OGFOD1: variants seen among roughly 807,000 people sequenced by gnomAD.
The protein encoded by OGFOD1 is prolyl 3-hydroxylase OGFOD1.
A neutral mutation model predicts 67.7 loss-of-function variants in OGFOD1; 54 were observed. That is an observed-to-expected ratio of 0.80 (90% confidence interval 0.64 to 1.00). The LOEUF (loss-of-function observed/expected upper bound fraction) is 1.00, where lower values mean the gene tolerates loss of function less well. OGFOD1 is among the 50% of genes least tolerant of loss of function. The probability of loss-of-function intolerance (pLI) is 0.00; values close to 1 mark genes in which losing one functional copy is unlikely to be tolerated. For missense variants in OGFOD1, 606 were observed against 646.7 expected, an observed-to-expected ratio of 0.94 and a Z score of 0.68; for synonymous variants, 221 against 227.0, an observed-to-expected ratio of 0.97 and a Z score of 0.24.
intron 4 of OGFOD1, among the ~76,000 whole-genome samples, 156 bp downstream of exon 4, chr16:56,462,790 C>T (rs775545576): frequency 1.3e-5 from 2 of 152,202 alleles, no homozygotes; most frequent in Non-Finnish European, 2.9e-5. Context: ...CAGAAATACC[C>T]ACCTTATTGG....
intron 10 of OGFOD1, among the ~76,000 whole-genome samples, chr16:56,472,916 C>T (rs1473953592): frequency 4.0e-5 from 6 of 148,826 alleles, no homozygotes; most frequent in African/African-American, 1.5e-4. Flanking sequence ...AGCAGTTTTG[C>T]TTTTTTTGTT....
At chr16:56,467,490 G>A (rs1962954650) in intron 7 of OGFOD1, among the ~76,000 whole-genome samples, 197 bp downstream of exon 7, 2 of 148,362 alleles carry the variant, frequency 1.3e-5, no homozygotes, top group South Asian at 4.3e-4. Flanking sequence ...GCAGTGGTGC[G>A]ATCTTGGCTC....
At chr16:56,470,226 A>G in intron 9 of OGFOD1, 144 bp downstream of exon 9, 1 of 750,954 alleles carries the variant, frequency 1.3e-6, no homozygotes, top group Non-Finnish European at 2.2e-6. Context: ...AATAACCAAC[A>G]GGAAAAAATA....
chr16:56,472,617 A>T (rs1387964661), intron 10 of OGFOD1, among the ~76,000 whole-genome samples: 1 of 152,202 alleles, frequency 6.6e-6, no homozygotes, highest in Non-Finnish European at 1.5e-5. Context: ...AAAATACGTC[A>T]ATTTCAGAAT....
Position 56,468,024 on chromosome 16 carries a change from C to G in OGFOD1, c.900+6C>G. ...TCCTGAAGGAGTTTCTTAAGGTAAGCTTAGCGTATGTTGTTCTGAATATTT... is the reference window on the plus strand; with the variant it reads ...TCCTGAAGGAGTTTCTTAAGGTAAGGTTAGCGTATGTTGTTCTGAATATTT... On this transcript the variant is annotated splice_donor_region_variant and intron_variant, in intron 8 of 12. Coordinates refer to ENST00000566157, the MANE Select transcript of OGFOD1 (RefSeq NM_018233.4). The G allele has an allele frequency of 7.2e-7, 1 of 1,390,958 alleles. No individual in the cohort carries two copies. Among genetic ancestry groups the G allele is most frequent in the South Asian group, 1.2e-5 (1 of 86,336 alleles). The allele number at this position is 1,390,958 out of a possible 1,614,324, so 86.2% of individuals were successfully genotyped here.
intron 1 of OGFOD1, among the ~76,000 whole-genome samples, chr16:56,452,995 T>TA (rs77326328): frequency 0.045 from 6,779 of 151,688 alleles, 219 homozygotes; most frequent in East Asian, 0.16. Context: ...TTGAAACACA[T>TA]AAAAAAAAGA....
At chr16:56,458,307 T>C in intron 2 of OGFOD1, 2 of 496,976 alleles carry the variant, frequency 4.0e-6, no homozygotes, top group South Asian at 2.2e-5. Context: ...TCAATGGGCA[T>C]AGAAACTAGA....
chr16:56,471,671 G>C (rs1475589458), intron 10 of OGFOD1, among the ~76,000 whole-genome samples: 34 of 152,192 alleles, frequency 2.2e-4, no homozygotes, highest in Non-Finnish European at 1.5e-5. Context: ...GATACTTGTG[G>C]AAACAAAATC....
chr16:56,472,373 T>G (rs773286674), intron 10 of OGFOD1, among the ~76,000 whole-genome samples: 2 of 152,202 alleles, frequency 1.3e-5, no homozygotes, highest in African/African-American at 2.4e-5. Flanking sequence ...ATTCCATTGT[T>G]GAGCACCTAC....
chr16:56,467,136 T>C (rs562880453), intron 6 of OGFOD1, 29 bp from the exon 7 acceptor site: 2 of 1,614,042 alleles, frequency 1.2e-6, no homozygotes, highest in South Asian at 2.2e-5. Context: ...ATTCTTCGTG[T>C]TGATGTGCTA....
At chr16:56,473,092 G>A (rs1234254570) in intron 10 of OGFOD1, among the ~76,000 whole-genome samples, 6 of 152,038 alleles carry the variant, frequency 3.9e-5, no homozygotes, top group African/African-American at 4.8e-5. Flanking sequence ...CACCACGCCC[G>A]GCTAACGTTT....
Position 56,466,975 on chromosome 16 carries a change from C to G in OGFOD1, c.657+8C>G. The G allele has an allele frequency of 6.3e-7, 1 of 1,593,512 alleles. No homozygotes were observed. Among genetic ancestry groups the G allele is most frequent in the South Asian group, 1.1e-5 (1 of 90,582 alleles). ...CCTGTGTCCTTTCACCAGGTAAAGA[C>G]TGTAAGCCACAAATAGAGTAGCAAG... On this transcript the variant is annotated splice_region_variant and intron_variant, in intron 6 of 12. Transcript: ENST00000566157.
chr16:56,475,242 C>G (rs1343271566), intron 11 of OGFOD1, among the ~76,000 whole-genome samples: 4 of 152,156 alleles, frequency 2.6e-5, no homozygotes, highest in Non-Finnish European at 5.9e-5. Flanking sequence ...GAATATTTAG[C>G]ATTTAATTCT....
At position 56,475,593 on chromosome 16, in the gene OGFOD1, ATT is replaced by A. The variant is rs557824913; in HGVS notation, c.1467+32_1467+33del. 8 of 1,596,674 alleles carry A rather than the reference ATT, an allele frequency of 5.0e-6. No individual in the cohort carries two copies. The South Asian group carries it at 7.7e-5, about 15-fold the overall frequency. ...AAGTTTCTTCTGATAGCAAACTATC[ATT>A]TTTAGTTATTGAGAATGCTTTCATT... On this transcript the variant is annotated intron_variant, in intron 12 of 12. Transcript: ENST00000566157.
intron 8 of OGFOD1, among the ~76,000 whole-genome samples, chr16:56,469,310 A>G (rs756431975): frequency 6.6e-5 from 10 of 152,364 alleles, no homozygotes; most frequent in Non-Finnish European, 5.9e-5. Context: ...TGTCACGGTA[A>G]TGACCTTGAT....
At chr16:56,462,507 C>A in intron 3 of OGFOD1, 27 bp from the exon 4 acceptor site, 1 of 1,460,528 alleles carries the variant, frequency 6.8e-7, no homozygotes, top group Non-Finnish European at 9.6e-7. Context: ...TGTGGCATAA[C>A]AAGTTATCTT....
chr16:56,463,381 T>G lies in OGFOD1; in HGVS notation c.448+747T>G, dbSNP rs566251867. On this transcript the variant is annotated intron_variant, in intron 4 of 12. Coordinates refer to ENST00000566157, the MANE Select transcript of OGFOD1 (RefSeq NM_018233.4). ...ATTTACTGCCATGTCATTTCTTTTT[T>G]GGGTTTTTTTTTTTTTTTTTTTTTT... Among the ~76,000 whole-genome samples, 33 of 141,186 alleles carry G rather than the reference T, an allele frequency of 2.3e-4. No individual in the cohort carries two copies. The East Asian group carries it at 6.7e-3, about 29-fold the overall frequency. 92.6% of individuals were successfully genotyped at this position (141,186 alleles called of 152,430 possible).
chr16:56,451,564 G>A lies in OGFOD1; in HGVS notation c.-49G>A. On this transcript the variant is annotated 5_prime_UTR_variant, in exon 1 of 13. Transcript: ENST00000566157. Reference sequence around the variant, plus strand: ...ATGCCGGGAGTTGCAGTACCCTCAGGAAGGTAGCGTCTTGATCTGCGTGGC... The same window carrying A: ...ATGCCGGGAGTTGCAGTACCCTCAGAAAGGTAGCGTCTTGATCTGCGTGGC... 2 of 1,604,342 alleles carry A rather than the reference G, an allele frequency of 1.2e-6. No homozygotes were observed. Among genetic ancestry groups the A allele is most frequent in the Non-Finnish European group, 1.7e-6 (2 of 1,175,150 alleles).
chr16:56,462,621 A>G lies in OGFOD1; in HGVS notation c.435A>G (p.Lys145=). The G allele has an allele frequency of 6.2e-7, 1 of 1,600,264 alleles. No individual in the cohort carries two copies. The highest frequency in any genetic ancestry group is 8.6e-7 in the Non-Finnish European group (1 of 1,167,734). ...CAACCATTGACATGTCCTGTGCTAA[A>G]TATGAATTCACTGGTAAGGAAGATA... ...LESTIDMSCA[K]YEFTDALLCH... is the part of the protein sequence containing the mutation. Residue 145 remains lysine, a synonymous_variant, in exon 4 of 13, where the codon AAA becomes AAG. Coordinates refer to ENST00000566157, the MANE Select transcript of OGFOD1 (RefSeq NM_018233.4).
Sources: gnomAD v4.1 joint callset for allele counts (sites outside exome capture counted in the v4.1 genomes callset) on GRCh38, gnomAD v4.1.1 for gene constraint, MANE v1.5 for transcripts, NCBI Gene and HGNC (gene_info 2026-07-23, HGNC 2026-07-21) for gene names.